MYO10: variants seen among roughly 807,000 people sequenced by gnomAD.
MYO10 encodes myosin X.
In MYO10, 133 loss-of-function variants were observed where a neutral mutation model predicts 257.3. The ratio of observed to expected loss-of-function variants is 0.52; its 90% confidence interval spans 0.45 to 0.60. MYO10 has a LOEUF of 0.60. MYO10 is among the 20% of genes least tolerant of loss of function. MYO10 has a pLI of 0.00. For missense variants in MYO10, 2,399 were observed against 2,635.7 expected (o/e 0.91, Z 1.97); for synonymous variants, 1,104 against 1,028.6 (o/e 1.07, Z -1.40).
intron 4 of MYO10, among the ~76,000 whole-genome samples, chr5:16,790,228 C>A (rs1288228009): frequency 1.3e-5 from 2 of 152,078 alleles, no homozygotes; most frequent in Non-Finnish European, 2.9e-5. Flanking sequence ...AAGCAAAGAT[C>A]CTGAACCAAC....
chr5:16,841,490 T>G (rs1166058862), intron 2 of MYO10, among the ~76,000 whole-genome samples: 2 of 152,206 alleles, frequency 1.3e-5, no homozygotes, highest in African/African-American at 4.8e-5. Context: ...GACACCAAAA[T>G]TTATCTCTGC....
Position 16,682,019 on chromosome 5 carries a change from C to T in MYO10, c.4047-6G>A. 9 of 1,612,222 alleles carry T rather than the reference C, an allele frequency of 5.6e-6. No homozygotes were observed. The highest frequency in any genetic ancestry group is 7.6e-6 in the Non-Finnish European group (9 of 1,179,626). On this transcript the variant is annotated splice_polypyrimidine_tract_variant and splice_region_variant and intron_variant, in intron 30 of 40. Coordinates refer to ENST00000513610, the MANE Select transcript of MYO10 (RefSeq NM_012334.3). Reference sequence around the variant, plus strand: ...TGATCACAAACGAGTTGGGTCTGAGCCACAAGATGAGAAGGAAACAAAGCC... The same window carrying T: ...TGATCACAAACGAGTTGGGTCTGAGTCACAAGATGAGAAGGAAACAAAGCC...
At chr5:16,872,623 A>G (rs1371079652) in intron 2 of MYO10, among the ~76,000 whole-genome samples, 2 of 152,236 alleles carry the variant, frequency 1.3e-5, no homozygotes, top group South Asian at 4.1e-4. Flanking sequence ...AAAGAATGCT[A>G]TATTAGTCTG....
chr5:16,756,116 A>G (rs10057533), intron 18 of MYO10, among the ~76,000 whole-genome samples: 70,789 of 152,078 alleles, frequency 0.47, 18,096 homozygotes, highest in African/African-American at 0.69. Context: ...TCTGCCACCC[A>G]GGCTGGAGTA....
intron 3 of MYO10, among the ~76,000 whole-genome samples, chr5:16,807,167 C>T (rs144728151): frequency 2.6e-5 from 4 of 152,192 alleles, no homozygotes; most frequent in Non-Finnish European, 4.4e-5. Context: ...CGGCTAAATA[C>T]GGCAGTGACT....
At position 16,847,214 on chromosome 5, in the gene MYO10, G is replaced by A. The variant is rs183412763; in HGVS notation, c.121-29047C>T. ...TAGGAGGCCGAGGCAGGTAGATCAC[G>A]AGGTTAGCAGACCATCCTGGCTAAC... On this transcript the variant is annotated intron_variant, in intron 2 of 40. Coordinates refer to ENST00000513610, the MANE Select transcript of MYO10 (RefSeq NM_012334.3). Among the ~76,000 whole-genome samples, 33 of 152,074 alleles carry A rather than the reference G, an allele frequency of 2.2e-4. No individual in the cohort carries two copies. In the East Asian group the frequency reaches 5.8e-3, roughly 27 times the overall value.
Position 16,823,983 on chromosome 5 carries a change from G to GAGAACAAACTGTTCTGTTCTAGA in MYO10, c.121-5839_121-5817dup, listed in dbSNP as rs1742920901. Among the ~76,000 whole-genome samples the GAGAACAAACTGTTCTGTTCTAGA allele has an allele frequency of 3.9e-5, 6 of 152,132 alleles. 1 individual carries two copies. The highest frequency in any genetic ancestry group is 3.3e-4 in the Admixed American group (5 of 15,274). On this transcript the variant is annotated intron_variant, in intron 2 of 40. Transcript: ENST00000513610. ...AATCCACTTGGATAAAATGATACCT[G>GAGAACAAACTGTTCTGTTCTAGA]AGAACAAACTGTTCTGTTCTAGAAG...
intron 27 of MYO10, among the ~76,000 whole-genome samples, chr5:16,693,319 G>A (rs945712469): frequency 2.0e-5 from 3 of 152,198 alleles, no homozygotes; most frequent in African/African-American, 7.2e-5. Context: ...ATGTGAGGCT[G>A]AGAGAAGATG....
intron 9 of MYO10, among the ~76,000 whole-genome samples, chr5:16,776,734 G>A (rs908573901): frequency 6.6e-6 from 1 of 152,210 alleles, no homozygotes; most frequent in African/African-American, 2.4e-5. Flanking sequence ...CAGTTCTGAA[G>A]TGGAAAATGA....
rs116789898 is a variant in MYO10, at chr5:16,770,231, C to T, written c.931-1028G>A. Among the ~76,000 whole-genome samples, 994 of 152,024 alleles carry T rather than the reference C, an allele frequency of 6.5e-3. 13 individuals are homozygous for T. The highest frequency in any genetic ancestry group is 0.023 in the African/African-American group (939 of 41,484). On this transcript the variant is annotated intron_variant, in intron 9 of 40. Transcript: ENST00000513610. ...GGAGCCTGGGTGACACAGTTAAGAC[C>T]CTGTCTCTTAAAAAAAGAAAAAAAT...
intron 3 of MYO10, among the ~76,000 whole-genome samples, chr5:16,798,131 C>G (rs530388932): frequency 2.6e-5 from 4 of 152,302 alleles, no homozygotes; most frequent in African/African-American, 9.6e-5. Context: ...AGGGTCCCAC[C>G]AGATGCCAGC....
At chr5:16,674,815 G>C in intron 35 of MYO10, 38 bp downstream of exon 35, 2 of 1,609,400 alleles carry the variant, frequency 1.2e-6, no homozygotes, top group Non-Finnish European at 1.7e-6. Context: ...TGTGTAAGCA[G>C]CTCTGCCCAG....
chr5:16,918,400 G>A (rs752704426), intron 1 of MYO10, among the ~76,000 whole-genome samples: 9 of 151,400 alleles, frequency 5.9e-5, no homozygotes, highest in South Asian at 4.2e-4. Context: ...AGAAATAGAC[G>A]AAACTCCAAA....
chr5:16,818,993 T>C (rs571839115), intron 2 of MYO10, among the ~76,000 whole-genome samples: 50 of 152,334 alleles, frequency 3.3e-4, no homozygotes, highest in Non-Finnish European at 5.7e-4. Flanking sequence ...TTTATAATAG[T>C]TATTCCATTT....
intron 19 of MYO10, among the ~76,000 whole-genome samples, chr5:16,731,539 G>C (rs921401928): frequency 1.5e-4 from 22 of 151,566 alleles, no homozygotes; most frequent in Non-Finnish European, 2.6e-4. Context: ...AGTAAGAACA[G>C]GGTTTCACCA....
At chr5:16,782,374 C>A (rs1741449842) in intron 5 of MYO10, among the ~76,000 whole-genome samples, 2 of 152,054 alleles carry the variant, frequency 1.3e-5, no homozygotes, top group Admixed American at 1.3e-4. Flanking sequence ...GCCACTATAG[C>A]CTAAAAGCAG....
intron 3 of MYO10, 22 bp from the exon 4 acceptor site, chr5:16,794,855 G>C: frequency 6.9e-6 from 10 of 1,445,280 alleles, no homozygotes; most frequent in Non-Finnish European, 9.2e-6. Flanking sequence ...GAGTGAGACA[G>C]GGATGCGTCA....
chr5:16,791,870 C>T (rs1006145047), intron 4 of MYO10, among the ~76,000 whole-genome samples: 1 of 152,128 alleles, frequency 6.6e-6, no homozygotes, highest in African/African-American at 2.4e-5. Flanking sequence ...GTTCTAGTCA[C>T]AGATTAAATT....
intron 3 of MYO10, among the ~76,000 whole-genome samples, chr5:16,809,653 T>C (rs369889056): frequency 1.3e-5 from 2 of 152,246 alleles, no homozygotes; most frequent in South Asian, 4.1e-4. Context: ...TGGGCTGGAA[T>C]GCCACCTAAC....
Sources: gnomAD v4.1 joint callset for allele counts (sites outside exome capture counted in the v4.1 genomes callset) on GRCh38, gnomAD v4.1.1 for gene constraint, MANE v1.5 for transcripts, NCBI Gene and HGNC (gene_info 2026-07-23, HGNC 2026-07-21) for gene names.